The following ADARB2 variants were observed in gnomAD, a reference collection of about 807,000 sequenced individuals.
ADARB2 encodes adenosine deaminase RNA specific B2 (inactive).
ADARB2 carries 25 observed loss-of-function variants against 62.2 expected under a neutral mutation model. The observed-to-expected ratio is 0.40, with a 90% CI of 0.29 to 0.56. ADARB2 has a LOEUF of 0.56. Among genes scored for constraint, ADARB2 ranks in the 20% least tolerant of loss-of-function variants. The pLI, the probability that ADARB2 is intolerant of heterozygous loss-of-function variation, is 0.43. For missense variants in ADARB2, 1,071 were observed against 1,077.4 expected, an observed-to-expected ratio of 0.99 and a Z score of 0.08; for synonymous variants, 572 against 500.8, an observed-to-expected ratio of 1.14 and a Z score of -1.90.
chr10:1,555,381 T>G lies in ADARB2; in HGVS notation c.101-176221A>C, dbSNP rs183296762. Among the ~76,000 whole-genome samples the G allele has an allele frequency of 1.6e-3, 241 of 152,330 alleles. 2 individuals are homozygous for G. Among genetic ancestry groups the G allele is most frequent in the African/African-American group, 5.7e-3 (235 of 41,568 alleles). ...CTCTGCAACCTCACAAGCATCTTAT[T>G]TTTTGACTTTTTAATAATTGAAAAG... On this transcript the variant is annotated intron_variant, in intron 1 of 9. Transcript: ENST00000381312.
chr10:1,543,190 C>G lies in ADARB2; in HGVS notation c.101-164030G>C, dbSNP rs567605039. 1.6e-4 allele frequency among the ~76,000 whole-genome samples: 25 copies of G among 152,320 alleles called. No homozygotes were observed. In the East Asian group the frequency reaches 3.7e-3, roughly 22 times the overall value. On this transcript the variant is annotated intron_variant, in intron 1 of 9. Transcript: ENST00000381312. The stretch of plus-strand genomic sequence containing the variant: ...GGATGGCGGCGTTGAGAGCCAGAAA[C>G]GAAACCCTGAGAAGCAGAAGCCGGG...
intron 1 of ADARB2, among the ~76,000 whole-genome samples, chr10:1,647,364 C>T (rs1834056273): frequency 6.6e-6 from 1 of 151,848 alleles, no homozygotes; most frequent in African/African-American, 2.4e-5. Context: ...TGTGTGTGCA[C>T]ACGTGTGTCT....
At chr10:1,647,938 C>G (rs376086192) in intron 1 of ADARB2, among the ~76,000 whole-genome samples, 1 of 151,860 alleles carries the variant, frequency 6.6e-6, no homozygotes, top group Non-Finnish European at 1.5e-5. Context: ...GGGTATATCT[C>G]GAACTGGAGG....
At chr10:1,377,858 A>C (rs1199019779) in intron 2 of ADARB2, among the ~76,000 whole-genome samples, 2 of 152,174 alleles carry the variant, frequency 1.3e-5, no homozygotes, top group Non-Finnish European at 2.9e-5. Context: ...TTTGCAGAAC[A>C]ACCTCCATTT....
At chr10:1,209,838 C>T (rs1018632375) in intron 7 of ADARB2, among the ~76,000 whole-genome samples, 13 of 152,168 alleles carry the variant, frequency 8.5e-5, no homozygotes, top group Admixed American at 1.3e-4. Flanking sequence ...ACACAGAGGA[C>T]GGAGGGGACA....
At chr10:1,690,738 T>C (rs1328932679) in intron 1 of ADARB2, among the ~76,000 whole-genome samples, 1 of 152,122 alleles carries the variant, frequency 6.6e-6, no homozygotes, top group Non-Finnish European at 1.5e-5. Flanking sequence ...CCCGTGGATG[T>C]CTTCCATGAT....
chr10:1,371,344 C>G (rs4306229), intron 2 of ADARB2, among the ~76,000 whole-genome samples: 113,158 of 152,108 alleles, frequency 0.74, 45,019 homozygotes, highest in Middle Eastern at 0.88. Flanking sequence ...AAAAATCCTA[C>G]AAGAAAACCT....
chr10:1,589,820 C>T (rs1248973603), intron 1 of ADARB2, among the ~76,000 whole-genome samples: 1 of 152,170 alleles, frequency 6.6e-6, no homozygotes, highest in African/African-American at 2.4e-5. Flanking sequence ...ATTACAGGTG[C>T]CTGCCACCAT....
At chr10:1,367,192 C>A (rs1832321091) in intron 2 of ADARB2, among the ~76,000 whole-genome samples, 1 of 152,230 alleles carries the variant, frequency 6.6e-6, no homozygotes, top group Admixed American at 6.5e-5. Context: ...GCGCTGCCTG[C>A]CCGTTCAGCT....
At chr10:1,530,414 A>T (rs1402374525) in intron 1 of ADARB2, among the ~76,000 whole-genome samples, 1 of 152,064 alleles carries the variant, frequency 6.6e-6, no homozygotes, top group East Asian at 1.9e-4. Context: ...GGCCACAGTC[A>T]CTTCGTCCTC....
chr10:1,363,241 G>T lies in ADARB2; in HGVS notation c.864C>A (p.Ala288=). The change falls in exon 3 of 10, where the codon GCC becomes GCA. Residue 288 remains alanine (A), a synonymous_variant. Coordinates refer to ENST00000381312, the MANE Select transcript of ADARB2 (RefSeq NM_018702.4). ...NPVVLLNRLR[A]GLRYVCLAEP... ...CTGCCAGACACACGTAGCGCAGCCC[G>T]GCGCGCAGGCGGTTCAGCAGCACCA... 7.3e-7 allele frequency: 1 copy of T among 1,365,114 alleles called. No homozygotes were observed. The highest frequency in any genetic ancestry group is 3.1e-5 in the East Asian group (1 of 32,258). 84.6% of individuals were successfully genotyped at this position (1,365,114 alleles called of 1,614,324 possible).
intron 3 of ADARB2, among the ~76,000 whole-genome samples, chr10:1,279,838 G>A (rs576806798): frequency 2.6e-5 from 4 of 152,284 alleles, no homozygotes; most frequent in Non-Finnish European, 4.4e-5. Context: ...CGTGGTTCAC[G>A]GCTGGAGGGG....
chr10:1,337,655 A>T (rs1831986866), intron 3 of ADARB2, among the ~76,000 whole-genome samples: 1 of 151,814 alleles, frequency 6.6e-6, no homozygotes, highest in Non-Finnish European at 1.5e-5. Flanking sequence ...CCTCAACTTT[A>T]CCCTGGGGCT....
At chr10:1,673,055 A>C (rs1272132387) in intron 1 of ADARB2, among the ~76,000 whole-genome samples, 1 of 152,114 alleles carries the variant, frequency 6.6e-6, no homozygotes, top group Non-Finnish European at 1.5e-5. Flanking sequence ...TCAGACACAC[A>C]GTTGTCGGCT....
At chr10:1,209,771 G>A (rs766566270) in intron 7 of ADARB2, among the ~76,000 whole-genome samples, 1 of 152,124 alleles carries the variant, frequency 6.6e-6, no homozygotes, top group Non-Finnish European at 1.5e-5. Flanking sequence ...CCCAACTTGA[G>A]TGCTCTCCTG....
intron 1 of ADARB2, among the ~76,000 whole-genome samples, chr10:1,727,588 G>A (rs75346165): frequency 0.021 from 3,147 of 152,228 alleles, 39 homozygotes; most frequent in Middle Eastern, 0.065. Flanking sequence ...ACTTAAAGGG[G>A]TTTACATTTT....
chr10:1,247,574 A>T (rs1202335820), intron 4 of ADARB2, among the ~76,000 whole-genome samples: 1 of 152,192 alleles, frequency 6.6e-6, no homozygotes, highest in Non-Finnish European at 1.5e-5. Context: ...GGGCGTCATC[A>T]TCTCTCCCCT....
chr10:1,582,301 GC>G (rs1833114943), intron 1 of ADARB2, among the ~76,000 whole-genome samples: 1 of 152,140 alleles, frequency 6.6e-6, no homozygotes, highest in Admixed American at 6.5e-5. Context: ...GGGCCTCGCT[GC>G]CTCCCATGCT....
chr10:1,666,518 GC>G (rs1023313047), intron 1 of ADARB2, among the ~76,000 whole-genome samples: 4 of 152,204 alleles, frequency 2.6e-5, no homozygotes, highest in Non-Finnish European at 4.4e-5. Context: ...TCATGCACAC[GC>G]CGCTGCCAGC....
Sources: gnomAD v4.1 joint callset for allele counts (sites outside exome capture counted in the v4.1 genomes callset) on GRCh38, gnomAD v4.1.1 for gene constraint, MANE v1.5 for transcripts, NCBI Gene and HGNC (gene_info 2026-07-23, HGNC 2026-07-21) for gene names.